The following CSMD2 variants were observed in gnomAD, a reference collection of about 807,000 sequenced individuals.
The protein encoded by CSMD2 is CUB and sushi domain-containing protein 2.
CSMD2 carries 130 observed loss-of-function variants against 398.5 expected under a neutral mutation model. That is an observed-to-expected ratio of 0.33 (90% CI 0.28 to 0.38). CSMD2 has a LOEUF of 0.38. Ranked by LOEUF, CSMD2 falls within the 10% of genes least tolerant of loss-of-function variation. The probability of loss-of-function intolerance (pLI) is 1.00; values close to 1 mark genes in which losing one functional copy is unlikely to be tolerated. For missense variants in CSMD2, 3,829 were observed against 4,764.9 expected (o/e 0.80, Z 5.78); for synonymous variants, 1,828 against 1,908.5 (o/e 0.96, Z 1.10).
At chr1:34,028,198 G>A (rs1398521149) in intron 3 of CSMD2, among the ~76,000 whole-genome samples, 1 of 152,040 alleles carries the variant, frequency 6.6e-6, no homozygotes, top group African/African-American at 2.4e-5. Flanking sequence ...GCGCGTGTCT[G>A]CGGTCCCAGC....
rs961693062 is a variant in CSMD2, at chr1:33,845,758, G to A, written c.1033+1126C>T. On this transcript the variant is annotated intron_variant, in intron 6 of 70. Coordinates refer to ENST00000373381, the MANE Select transcript of CSMD2 (RefSeq NM_001281956.2). ...CACCCAAGGCTAAGTAAATTAGGCCGTTCCTAAAAGGTTCAGATTTTGAAC... is the reference window on the plus strand; with the variant it reads ...CACCCAAGGCTAAGTAAATTAGGCCATTCCTAAAAGGTTCAGATTTTGAAC... Among the ~76,000 whole-genome samples, 9 of 152,196 alleles carry A rather than the reference G, an allele frequency of 5.9e-5. No homozygotes were observed. In the East Asian group the frequency reaches 1.2e-3, roughly 20 times the overall value.
chr1:33,567,322 T>A (rs1158275844), intron 53 of CSMD2, among the ~76,000 whole-genome samples: 1 of 151,624 alleles, frequency 6.6e-6, no homozygotes, highest in Non-Finnish European at 1.5e-5. Flanking sequence ...ATAAATGAAT[T>A]AAATTCCTAC....
intron 1 of CSMD2, among the ~76,000 whole-genome samples, chr1:34,144,665 TTGATCTCTCCATG>T (rs879314242): frequency 6.6e-5 from 10 of 152,214 alleles, no homozygotes; most frequent in Non-Finnish European, 1.5e-4. Context: ...AGCTGACATT[TTGATCTCTCCATG>T]TGACTCCTCT....
In CSMD2 at chr1:34,028,765, G is replaced by A. The variant is rs117054797; in HGVS notation, c.517+3829C>T. 2.4e-4 allele frequency among the ~76,000 whole-genome samples: 36 copies of A among 152,312 alleles called. 2 individuals carry two copies. In the East Asian group the frequency reaches 3.1e-3, roughly 13 times the overall value. On this transcript the variant is annotated intron_variant, in intron 3 of 70. Coordinates refer to ENST00000373381, the MANE Select transcript of CSMD2 (RefSeq NM_001281956.2). ...TATGTAAAGTGCCTGGCATACAGTC[G>A]GTGCTTAATACAGGTTGATCCCCTT...
intron 1 of CSMD2, among the ~76,000 whole-genome samples, chr1:34,150,993 G>A (rs1233147971): frequency 6.6e-6 from 1 of 152,084 alleles, no homozygotes; most frequent in Non-Finnish European, 1.5e-5. Context: ...GGGGGGGCGG[G>A]GGATGCAAAC....
chr1:34,153,324 G>C (rs960018362), intron 1 of CSMD2, among the ~76,000 whole-genome samples: 1 of 152,156 alleles, frequency 6.6e-6, no homozygotes, highest in Admixed American at 6.5e-5. Flanking sequence ...GCCTGTAACT[G>C]GTTTCTTTCA....
chr1:33,537,240 C>A lies in CSMD2; in HGVS notation c.9806-145G>T. On this transcript the variant is annotated intron_variant, in intron 61 of 70. Coordinates refer to ENST00000373381, the MANE Select transcript of CSMD2 (RefSeq NM_001281956.2). This position sits in a 1 kb window ranked among gnomAD's most constrained non-coding sequence, Gnocchi z 4.6. Reference sequence around the variant, plus strand: ...TGAGATCCCCACCTGAGCCTTGGCCCTGGCTGTCTATTTGACTCCTCGAAG... The same window carrying A: ...TGAGATCCCCACCTGAGCCTTGGCCATGGCTGTCTATTTGACTCCTCGAAG... The A allele has an allele frequency of 1.8e-6, 2 of 1,119,478 alleles. No individual in the cohort carries two copies. The highest frequency in any genetic ancestry group is 2.6e-6 in the Non-Finnish European group (2 of 760,596). 69.3% of individuals were successfully genotyped at this position (1,119,478 alleles called of 1,614,324 possible).
chr1:33,860,867 T>A (rs1570301377), intron 5 of CSMD2: 1 of 152,178 alleles, frequency 6.6e-6, no homozygotes, highest in East Asian at 1.9e-4. Flanking sequence ...ATTCTTGGAG[T>A]GTGACCCATC....
chr1:34,143,413 G>T (rs149000095), intron 1 of CSMD2, among the ~76,000 whole-genome samples: 2 of 152,144 alleles, frequency 1.3e-5, no homozygotes, highest in African/African-American at 4.8e-5. Flanking sequence ...CCTGATAGGC[G>T]CTGGCTAGAC....
intron 3 of CSMD2, among the ~76,000 whole-genome samples, chr1:34,011,554 A>G (rs972002800): frequency 6.6e-6 from 1 of 152,172 alleles, no homozygotes. Context: ...ATAGTGAGTG[A>G]AAAGCCTATA....
chr1:34,091,045 A>G (rs1344660919), intron 1 of CSMD2, among the ~76,000 whole-genome samples: 1 of 152,124 alleles, frequency 6.6e-6, no homozygotes, highest in Non-Finnish European at 1.5e-5. Flanking sequence ...ATCTCAGCCT[A>G]GTGTCCTTCC....
Position 33,739,202 on chromosome 1 carries a change from G to A in CSMD2, c.2306C>T (p.Thr769Ile). The change falls in exon 15 of 71, where the codon ACC becomes ATC. Residue 769 changes from threonine to isoleucine, a missense_variant. Around this residue, in one of 5 missense-constraint regions of CSMD2, gnomAD observed 2,001 missense variants for 2,567.1 expected, o/e 0.78. Coordinates refer to ENST00000373381, the MANE Select transcript of CSMD2 (RefSeq NM_001281956.2). The stretch of plus-strand genomic sequence containing the variant: ...GCCCTCCTTCAGGACGCAGGTGATG[G>A]TCTCTGAGCCCTGAGTCCCAAGGAA... The part of the protein sequence containing the change: ...EGFLGTQGSE[T>I]ITCVLKEGSV... 1 of 1,614,182 alleles carries A rather than the reference G, an allele frequency of 6.2e-7. No individual in the cohort carries two copies. The highest frequency in any genetic ancestry group is 8.5e-7 in the Non-Finnish European group (1 of 1,180,022).
upstream of CSMD2, chr1:34,165,788 C>G (rs996627411): frequency 1.5e-5 from 25 of 1,613,952 alleles, no homozygotes; most frequent in Non-Finnish European, 1.9e-5. Context: ...CCATCTAGGG[C>G]CGGGGGCGAT....
intron 4 of CSMD2, among the ~76,000 whole-genome samples, chr1:33,924,216 A>AG: frequency 6.6e-6 from 1 of 152,250 alleles, no homozygotes; most frequent in Admixed American, 6.5e-5. Flanking sequence ...CTAAAAAAAA[A>AG]AAATAGAGAT....
intron 13 of CSMD2, among the ~76,000 whole-genome samples, chr1:33,768,600 T>G (rs1046312104): frequency 4.0e-5 from 6 of 149,722 alleles, no homozygotes; most frequent in Non-Finnish European, 7.4e-5. Flanking sequence ...GAAGGTGGGA[T>G]AAGTAAGGAG....
intron 22 of CSMD2, among the ~76,000 whole-genome samples, chr1:33,703,146 T>C (rs1645666135): frequency 6.6e-6 from 1 of 152,194 alleles, no homozygotes; most frequent in African/African-American, 2.4e-5. Context: ...TGTCTTCTTT[T>C]AACTTAAACA....
At chr1:33,682,147 T>C (rs1034397781) in intron 25 of CSMD2, among the ~76,000 whole-genome samples, 1 of 152,226 alleles carries the variant, frequency 6.6e-6, no homozygotes, top group Non-Finnish European at 1.5e-5. Context: ...CTGGCATTCG[T>C]TGGCTTATGG....
At chr1:33,832,837 G>A (rs1271159512) in intron 6 of CSMD2, among the ~76,000 whole-genome samples, 6 of 152,266 alleles carry the variant, frequency 3.9e-5, no homozygotes, top group Non-Finnish European at 8.8e-5. Context: ...TGATCCCACA[G>A]AAATACAAAC....
chr1:34,106,809 C>T (rs964989493), intron 1 of CSMD2, among the ~76,000 whole-genome samples: 2 of 152,302 alleles, frequency 1.3e-5, no homozygotes, highest in Non-Finnish European at 2.9e-5. Flanking sequence ...TCAATTGCTT[C>T]GTGGGAATAA....
Sources: allele counts gnomAD v4.1 joint callset (sites outside exome capture counted in the v4.1 genomes callset), GRCh38; gene constraint gnomAD v4.1.1; regional missense constraint gnomAD v4.1.1; non-coding constraint Gnocchi (gnomAD v3.1); transcripts MANE v1.5; gene names NCBI Gene and HGNC (gene_info 2026-07-23, HGNC 2026-07-21).